The following VILL variants were observed in gnomAD, a reference collection of about 807,000 sequenced individuals.
VILL encodes the protein villin-like protein.
Under a neutral mutation model 106.3 loss-of-function variants are expected in VILL, and 102 were observed. The ratio of observed to expected loss-of-function variants is 0.96; its 90% confidence interval spans 0.82 to 1.13. The LOEUF is 1.13. VILL is among the 50% of genes most tolerant of loss of function. The pLI, the probability that VILL is intolerant of heterozygous loss-of-function variation, is 0.00. For missense variants in VILL, 1,076 were observed against 1,116.6 expected (o/e 0.96, Z 0.52); for synonymous variants, 431 against 440.3 (o/e 0.98, Z 0.27).
upstream of VILL, among the ~76,000 whole-genome samples, chr3:37,988,801 G>A (rs1173803785): frequency 1.3e-5 from 2 of 152,208 alleles, no homozygotes; most frequent in Admixed American, 6.5e-5. Flanking sequence ...GGCGGAGGCT[G>A]CAGTGAGCCA....
Position 37,998,006 on chromosome 3 carries a change from T to A in VILL, c.765-84T>A. On this transcript the variant is annotated intron_variant, in intron 7 of 19. Coordinates refer to ENST00000383759, the MANE Select transcript of VILL (RefSeq NM_015873.4). This position sits in a 1 kb window ranked among gnomAD's most constrained non-coding sequence, Gnocchi z 4.1. ...CCCATGCCTTCTGTCTCTGAGGGAC[T>A]GGGGTGGGGTCCTAAATGGGGCTGG... 2.2e-6 allele frequency: 3 copies of A among 1,367,870 alleles called. No homozygotes were observed. The highest frequency in any genetic ancestry group is 3.0e-6 in the Non-Finnish European group (3 of 997,872). The allele number at this position is 1,367,870 out of a possible 1,614,324, so 84.7% of individuals were successfully genotyped here. A position where few individuals can be genotyped will look rare whatever the true frequency, so the allele number is the denominator to read the frequency against.
In VILL at chr3:37,996,949, A is replaced by G. The variant is rs986818516; in HGVS notation, c.451-128A>G. ...CACCCTGTGGAATGCAGCATTATCT[A>G]CAGTCACACATGCCTACGTACACCC... On this transcript the variant is annotated intron_variant, in intron 5 of 19. Coordinates refer to ENST00000383759, the MANE Select transcript of VILL (RefSeq NM_015873.4). 5.4e-6 allele frequency: 4 copies of G among 739,250 alleles called. No individual in the cohort carries two copies. The African/African-American group carries it at 6.9e-5, about 13-fold the overall frequency. The allele number at this position is 739,250 out of a possible 1,614,324, so 45.8% of individuals were successfully genotyped here.
Position 37,999,008 on chromosome 3 carries a change from T to A in VILL, c.1039T>A (p.Trp347Arg). Residue 347 changes from tryptophan (W) to arginine (R), a missense_variant, in exon 10 of 20, where the codon TGG becomes AGG. By Grantham distance (101) the Trp-to-Arg change is moderately radical (BLOSUM62 -3). Transcript: ENST00000383759. ...CGCGTTCAAGCAGCTCTTCCGGACT[T>A]GGTCTGAGAAGCGGCGCAGGAACCA... is the stretch of plus-strand genomic sequence containing the variant. ...SAAFKQLFRT[W>R]SEKRRRNQKL... 1 of 1,583,396 alleles carries A rather than the reference T, an allele frequency of 6.3e-7. No individual in the cohort carries two copies. The highest frequency in any genetic ancestry group is 1.4e-5 in the African/African-American group (1 of 70,738).
In VILL at chr3:37,993,671, C is replaced by T. The variant is rs1274252010; in HGVS notation, c.-2C>T. 1.2e-6 allele frequency: 2 copies of T among 1,613,864 alleles called. No individual in the cohort carries two copies. The highest frequency in any genetic ancestry group is 1.7e-5 in the Admixed American group (1 of 60,004). On this transcript the variant is annotated 5_prime_UTR_variant, in exon 2 of 20. Coordinates refer to ENST00000383759, the MANE Select transcript of VILL (RefSeq NM_015873.4). ...TCGTCCCATATTCCTGCCTGGCCTG[C>T]GATGGACATCAGCAAGGGCCTCCCA...
At chr3:37,996,976 G>GC (rs1699713071) in intron 5 of VILL, 101 bp from the exon 6 acceptor site, 8 of 998,784 alleles carry the variant, frequency 8.0e-6, no homozygotes, top group Non-Finnish European at 1.3e-5. Context: ...CGTACACCCA[G>GC]TTTGCATACA....
rs1336680466 is a variant in VILL at position 38,006,957 on chromosome 3, T to G, written c.2473T>G (p.Ser825Ala). The change falls in exon 20 of 20, where the codon TCT (serine) becomes GCT (alanine). Residue 825 changes from serine to alanine, a missense_variant. Ser to Ala is a moderately conservative substitution (Grantham distance 99). Coordinates refer to ENST00000383759, the MANE Select transcript of VILL (RefSeq NM_015873.4). ...PARREFYLSD[S>A]DFQDIFGKSK... is the part of the protein sequence containing the mutation. ...CCCTGCCCAGTTCTATCTCTCAGAC[T>G]CTGACTTCCAAGATATCTTTGGGAA... 31 of 1,614,086 alleles carry G rather than the reference T, an allele frequency of 1.9e-5. No individual in the cohort carries two copies. The highest frequency in any genetic ancestry group is 2.5e-5 in the Non-Finnish European group (30 of 1,179,956).
intron 14 of VILL, 31 bp downstream of exon 14, chr3:38,002,606 C>T (rs1466933199): frequency 6.3e-7 from 1 of 1,598,186 alleles, no homozygotes; most frequent in Non-Finnish European, 8.5e-7. Context: ...TTGATTCATG[C>T]CCAGATGTAG....
rs765215181 is a variant in VILL at position 38,006,593 on chromosome 3, TCCGTCAGCAGCA to T, written c.2353_2364del (p.Val785_Thr788del). 1.2e-6 allele frequency: 2 copies of T among 1,614,042 alleles called. No homozygotes were observed. Among genetic ancestry groups the T allele is most frequent in the Admixed American group, 3.3e-5 (2 of 60,024 alleles). ...GTCGGCTGGCAGCAGAACCAGCAGC[TCCGTCAGCAGCA>T]CCAGCGCCACGATCAACGGGGGCCT... is the stretch of plus-strand genomic sequence containing the variant. On this transcript the variant is annotated inframe_deletion, in exon 19 of 20. Transcript: ENST00000383759.
At position 37,997,144 on chromosome 3, in the gene VILL, T is replaced by TTCAG. The variant is rs762617024; in HGVS notation, c.520_523dup (p.Trp175SerfsTer11). 6.2e-7 allele frequency: 1 copy of TTCAG among 1,614,046 alleles called. No individual in the cohort carries two copies. Reference sequence around the variant, plus strand: ...CTGCTGGACCTAGGCAAGATGATGATTCAGTGGAATGGGCCCAAGACCAGC... The same window carrying TTCAG: ...CTGCTGGACCTAGGCAAGATGATGATTCAGTCAGTGGAATGGGCCCAAGACCAGC... On this transcript the variant is annotated frameshift_variant, in exon 6 of 20. Coordinates refer to ENST00000383759, the MANE Select transcript of VILL (RefSeq NM_015873.4). LOFTEE classifies it high-confidence loss of function. This position sits in a 1 kb window ranked among gnomAD's most constrained non-coding sequence, Gnocchi z 4.7.
chr3:38,002,608 C>T (rs764038752), intron 14 of VILL, 33 bp downstream of exon 14: 10 of 1,597,124 alleles, frequency 6.3e-6, no homozygotes, highest in Non-Finnish European at 8.5e-6. Context: ...GATTCATGCC[C>T]AGATGTAGTG....
In VILL at chr3:38,007,105, A is replaced by G. The variant is rs368549930; in HGVS notation, c.*50A>G. ...ATCCCCTGGACCCCAACATACCTAC[A>G]ATGCTGGGGAGGCCCTGCTTCCACT... On this transcript the variant is annotated 3_prime_UTR_variant, in exon 20 of 20. Coordinates refer to ENST00000383759, the MANE Select transcript of VILL (RefSeq NM_015873.4). 2.0e-5 allele frequency: 29 copies of G among 1,447,308 alleles called. No homozygotes were observed. Among genetic ancestry groups the G allele is most frequent in the Non-Finnish European group, 2.8e-5 (29 of 1,034,264 alleles). The allele number at this position is 1,447,308 out of a possible 1,614,324, so 89.7% of individuals were successfully genotyped here. A position where few individuals can be genotyped will look rare whatever the true frequency, so the allele number is the denominator to read the frequency against.
chr3:38,001,616 G>T, intron 12 of VILL, 23 bp downstream of exon 12: 1 of 1,613,668 alleles, frequency 6.2e-7, no homozygotes, highest in Middle Eastern at 1.7e-4. Context: ...GAGGGAGGCA[G>T]CACTCACCTT....
intron 11 of VILL, 187 bp from the exon 12 acceptor site, chr3:38,001,269 C>A: frequency 1.2e-6 from 1 of 854,104 alleles, no homozygotes; most frequent in Non-Finnish European, 1.8e-6. Flanking sequence ...GGGAAAGGGT[C>A]ACCTGCAGAT....
chr3:38,003,264 C>A lies in VILL; in HGVS notation c.1756C>A (p.His586Asn), dbSNP rs199698879. ...GGTGCTGGAGGGTCAGGAGCCTCCC[C>A]ACTTCTGGGAGGCCCTGGGAGGCCG... ...ETVLEGQEPPHFWEALGGRAP... is the reference protein window; with the variant it reads ...ETVLEGQEPPNFWEALGGRAP... The change falls in exon 15 of 20, where the codon CAC becomes AAC. Residue 586 changes from histidine to asparagine, a missense_variant. Transcript: ENST00000383759. 216 of 1,613,650 alleles carry A rather than the reference C, an allele frequency of 1.3e-4. No homozygotes were observed. The Middle Eastern group carries it at 1.7e-3, about 12-fold the overall frequency.
chr3:37,992,488 G>C (rs1699624475), intron 1 of VILL, among the ~76,000 whole-genome samples: 1 of 152,108 alleles, frequency 6.6e-6, no homozygotes, highest in Admixed American at 6.6e-5. Flanking sequence ...CCAGTCGCAG[G>C]GCAGCACACT....
In VILL at chr3:38,003,272, G is replaced by A; in HGVS notation, c.1764G>A (p.Trp588Ter). 6.2e-7 allele frequency: 1 copy of A among 1,613,010 alleles called. No individual in the cohort carries two copies. Among genetic ancestry groups the A allele is most frequent in the Non-Finnish European group, 8.5e-7 (1 of 1,179,646 alleles). Residue 588 changes from tryptophan to a stop codon, truncating the protein, a stop_gained, in exon 15 of 20, where the codon TGG becomes TGA. Transcript: ENST00000383759. LOFTEE classifies it high-confidence loss of function. The part of the protein sequence containing the change: ...VLEGQEPPHF[W>*]EALGGRAPYP... ...AGGGTCAGGAGCCTCCCCACTTCTG[G>A]GAGGCCCTGGGAGGCCGGGCCCCCT... is the stretch of plus-strand genomic sequence containing the variant.
chr3:37,988,130 G>T (rs893992910), upstream of VILL: 1 of 152,288 alleles, frequency 6.6e-6, no homozygotes, highest in Non-Finnish European at 1.5e-5. Flanking sequence ...AGCAGCTACG[G>T]GAATATAGAG....
intron 5 of VILL, among the ~76,000 whole-genome samples, chr3:37,996,576 G>A (rs1279187075): frequency 6.6e-6 from 1 of 152,154 alleles, no homozygotes; most frequent in Non-Finnish European, 1.5e-5. Flanking sequence ...CTGTGACACA[G>A]AGACAATCCC....
intron 11 of VILL, chr3:38,001,163 T>C (rs1246218619): frequency 1.8e-6 from 1 of 545,200 alleles, no homozygotes; most frequent in Non-Finnish European, 3.4e-6. Context: ...GAACTGCCCC[T>C]AACCAGGGTT....
Sources: gnomAD v4.1 joint callset for allele counts (sites outside exome capture counted in the v4.1 genomes callset) on GRCh38, gnomAD v4.1.1 for gene constraint, Gnocchi (gnomAD v3.1) non-coding constraint, MANE v1.5 for transcripts, NCBI Gene and HGNC (gene_info 2026-07-23, HGNC 2026-07-21) for gene names.